The following GRM1 variants were observed in gnomAD, a reference collection of about 807,000 sequenced individuals.
GRM1 encodes glutamate metabotropic receptor 1.
Under a neutral mutation model 90.9 loss-of-function variants are expected in GRM1, and 33 were observed. The ratio of observed to expected loss-of-function variants is 0.36; its 90% CI spans 0.28 to 0.49. The LOEUF (loss-of-function observed/expected upper bound fraction) is 0.49, where lower values mean the gene tolerates loss of function less well. Ranked by LOEUF, GRM1 falls within the 20% of genes least tolerant of loss-of-function variation. The probability of loss-of-function intolerance (pLI) is 0.99; values close to 1 mark genes in which losing one functional copy is unlikely to be tolerated. For missense variants in GRM1, 1,190 were observed against 1,534.3 expected (o/e 0.78, Z 3.75); for synonymous variants, 700 against 613.2 (o/e 1.14, Z -2.09).
intron 1 of GRM1, among the ~76,000 whole-genome samples, chr6:146,081,316 G>C (rs1031021006): frequency 6.6e-6 from 1 of 151,992 alleles, no homozygotes; most frequent in Non-Finnish European, 1.5e-5. Context: ...ACAGAGAGAG[G>C]CCAAAAAATA....
At chr6:146,374,923 T>C (rs1385616323) in intron 5 of GRM1, among the ~76,000 whole-genome samples, 1 of 152,086 alleles carries the variant, frequency 6.6e-6, no homozygotes, top group Non-Finnish European at 1.5e-5. Flanking sequence ...TTTGGTTTTC[T>C]CTTGCTTTTT....
intron 1 of GRM1, among the ~76,000 whole-genome samples, chr6:146,092,315 C>A (rs1776741141): frequency 6.6e-6 from 1 of 152,028 alleles, no homozygotes; most frequent in African/African-American, 2.4e-5. Context: ...ACTGACACTC[C>A]TACTGGGGAC....
chr6:146,206,471 A>T (rs1779497489), intron 2 of GRM1, among the ~76,000 whole-genome samples: 1 of 152,130 alleles, frequency 6.6e-6, no homozygotes, highest in Admixed American at 6.6e-5. Context: ...TTTATGCAGC[A>T]GAGTGGGCAA....
intron 5 of GRM1, among the ~76,000 whole-genome samples, chr6:146,375,474 C>A (rs1776060469): frequency 6.6e-6 from 1 of 151,950 alleles, no homozygotes; most frequent in Admixed American, 6.6e-5. Context: ...AAAGATCTGT[C>A]TAATGCTGAC....
intron 2 of GRM1, among the ~76,000 whole-genome samples, chr6:146,253,234 A>G (rs768399182): frequency 2.6e-5 from 4 of 152,140 alleles, no homozygotes; most frequent in African/African-American, 7.2e-5. Flanking sequence ...GAAATTGAGG[A>G]TTTGTTTAGA....
At chr6:146,306,773 T>C (rs1783593599) in intron 3 of GRM1, among the ~76,000 whole-genome samples, 1 of 152,128 alleles carries the variant, frequency 6.6e-6, no homozygotes, top group African/African-American at 2.4e-5. Context: ...GGTTTGATGG[T>C]GAAGACATGT....
intron 1 of GRM1, among the ~76,000 whole-genome samples, chr6:146,031,588 T>C (rs1347093104): frequency 6.6e-6 from 1 of 152,218 alleles, no homozygotes; most frequent in Non-Finnish European, 1.5e-5. Flanking sequence ...AACTATCTGC[T>C]GTGATATTAT....
intron 2 of GRM1, among the ~76,000 whole-genome samples, chr6:146,267,957 A>G (rs1344836517): frequency 2.0e-5 from 3 of 152,140 alleles, no homozygotes; most frequent in Non-Finnish European, 4.4e-5. Flanking sequence ...CAAGTCAGTA[A>G]TTGGATTGCT....
chr6:146,183,202 T>C lies in GRM1; in HGVS notation c.950+23605T>C, dbSNP rs540036521. Reference sequence around the variant, plus strand: ...AAAAGGAGACAAGTGGAGACCTCCTTCCTTTAAAAGAAGGACATGAAAGTT... The same window carrying C: ...AAAAGGAGACAAGTGGAGACCTCCTCCCTTTAAAAGAAGGACATGAAAGTT... On this transcript the variant is annotated intron_variant, in intron 2 of 7. Coordinates refer to ENST00000282753, the MANE Select transcript of GRM1 (RefSeq NM_001278064.2). Among the ~76,000 whole-genome samples, 338 of 152,294 alleles carry C rather than the reference T, an allele frequency of 2.2e-3. 1 individual carries two copies. Among genetic ancestry groups the C allele is most frequent in the African/African-American group, 7.9e-3 (329 of 41,562 alleles).
At position 146,306,326 on chromosome 6, in the gene GRM1, C is replaced by T. The variant is rs565407574; in HGVS notation, c.1186+1480C>T. Among the ~76,000 whole-genome samples, 3 of 152,270 alleles carry T rather than the reference C, an allele frequency of 2.0e-5. No individual in the cohort carries two copies. In the South Asian group the frequency reaches 6.2e-4, roughly 32 times the overall value. On this transcript the variant is annotated intron_variant, in intron 3 of 7. Coordinates refer to ENST00000282753, the MANE Select transcript of GRM1 (RefSeq NM_001278064.2). ...TAATGAACCAATAAATCATCCAAGACAGTCTCCTTATTTGCAAAACAGAGG... is the reference window on the plus strand; with the variant it reads ...TAATGAACCAATAAATCATCCAAGATAGTCTCCTTATTTGCAAAACAGAGG...
chr6:146,318,920 T>C (rs61546067), intron 3 of GRM1, among the ~76,000 whole-genome samples: 8,112 of 152,286 alleles, frequency 0.053, 709 homozygotes, highest in African/African-American at 0.18. Context: ...ATGGATAGGT[T>C]ACAAAAATGT....
At chr6:146,090,731 AGAAATCCAAT>A in intron 1 of GRM1, among the ~76,000 whole-genome samples, 2 of 152,188 alleles carry the variant, frequency 1.3e-5, no homozygotes, top group South Asian at 4.1e-4. Flanking sequence ...TAAAAGCCAC[AGAAATCCAAT>A]GAAGTCCAAA....
intron 1 of GRM1, among the ~76,000 whole-genome samples, chr6:146,060,477 A>G (rs1403873320): frequency 1.3e-5 from 2 of 152,094 alleles, no homozygotes; most frequent in Non-Finnish European, 2.9e-5. Context: ...TCTAGCTGCC[A>G]TTTATAAATG....
rs574710940 is a variant in GRM1, at chr6:146,253,994, T to C, written c.951-50617T>C. Among the ~76,000 whole-genome samples, 6 of 152,094 alleles carry C rather than the reference T, an allele frequency of 3.9e-5. No individual in the cohort carries two copies. The East Asian group carries it at 1.2e-3, about 29-fold the overall frequency. ...ACTTTTTTTTTTTGAAAACCCTACA[T>C]CCCAGGATAGTTATGAGGTTTAAAC... is the stretch of plus-strand genomic sequence containing the variant. On this transcript the variant is annotated intron_variant, in intron 2 of 7. Coordinates refer to ENST00000282753, the MANE Select transcript of GRM1 (RefSeq NM_001278064.2).
At chr6:146,056,093 C>G (rs1346593153) in intron 1 of GRM1, among the ~76,000 whole-genome samples, 1 of 152,070 alleles carries the variant, frequency 6.6e-6, no homozygotes, top group Non-Finnish European at 1.5e-5. Flanking sequence ...ACTCATATTT[C>G]TCATCTTGGT....
chr6:146,289,596 C>T (rs180884885), intron 2 of GRM1, among the ~76,000 whole-genome samples: 32 of 152,250 alleles, frequency 2.1e-4, no homozygotes, highest in African/African-American at 5.8e-4. Context: ...ATGTACTAGG[C>T]CTTCACATTC....
At chr6:146,273,901 C>T (rs140321361) in intron 2 of GRM1, among the ~76,000 whole-genome samples, 2 of 152,186 alleles carry the variant, frequency 1.3e-5, no homozygotes, top group Admixed American at 6.5e-5. Context: ...TTGGAGCAGT[C>T]GTAGTATTTG....
At chr6:146,259,974 T>TTATA (rs942097311) in intron 2 of GRM1, among the ~76,000 whole-genome samples, 1 of 145,230 alleles carries the variant, frequency 6.9e-6, no homozygotes. Context: ...ATATATATAT[T>TTATA]TATATATATA....
At chr6:146,267,405 T>C (rs1266151262) in intron 2 of GRM1, among the ~76,000 whole-genome samples, 1 of 152,178 alleles carries the variant, frequency 6.6e-6, no homozygotes, top group Non-Finnish European at 1.5e-5. Context: ...AATATACTCA[T>C]GTATTAGTCA....
Sources: gnomAD v4.1 joint callset for allele counts (sites outside exome capture counted in the v4.1 genomes callset) on GRCh38, gnomAD v4.1.1 for gene constraint, MANE v1.5 for transcripts, NCBI Gene and HGNC (gene_info 2026-07-23, HGNC 2026-07-21) for gene names.